TOR1AIP1: variants seen among roughly 807,000 people sequenced by gnomAD.
The protein encoded by TOR1AIP1 is torsin 1A interacting protein 1.
Under a neutral mutation model 63.3 loss-of-function variants are expected in TOR1AIP1, and 54 were observed. The ratio of observed to expected loss-of-function variants is 0.85; its 90% CI spans 0.69 to 1.07. TOR1AIP1 has a LOEUF of 1.07. Among genes scored for constraint, TOR1AIP1 ranks in the 50% least tolerant of loss-of-function variants. TOR1AIP1 has a pLI of 0.00. For missense variants in TOR1AIP1, 736 were observed against 715.0 expected (o/e 1.03, Z -0.33); for synonymous variants, 294 against 273.5 (o/e 1.07, Z -0.74).
Position 179,904,174 on chromosome 1 carries a change from T to C in TOR1AIP1, c.796+152T>C, listed in dbSNP as rs527821189. The C allele has an allele frequency of 6.6e-5, 38 of 579,036 alleles. No individual in the cohort carries two copies. The South Asian group carries it at 1.0e-3, about 15-fold the overall frequency. 35.9% of individuals were successfully genotyped at this position (579,036 alleles called of 1,614,324 possible). Reference sequence around the variant, plus strand: ...ACTTATCCGATATCTCTCTACCACTTGACCTTGCTTATTGAGTTATTATTC... The same window carrying C: ...ACTTATCCGATATCTCTCTACCACTCGACCTTGCTTATTGAGTTATTATTC... On this transcript the variant is annotated intron_variant, in intron 6 of 9. Transcript: ENST00000606911.
chr1:179,903,534 G>A (rs1648529424), intron 5 of TOR1AIP1, among the ~76,000 whole-genome samples: 1 of 149,990 alleles, frequency 6.7e-6, no homozygotes, highest in Non-Finnish European at 1.5e-5. Context: ...TTGAGACAGA[G>A]TCTCACTCTC....
At chr1:179,904,578 A>G (rs1648570556) in intron 6 of TOR1AIP1, 2 of 152,224 alleles carry the variant, frequency 1.3e-5, no homozygotes, top group Non-Finnish European at 2.9e-5. Context: ...CAAAATGCTA[A>G]TAATGATTTG....
Position 179,882,768 on chromosome 1 carries a change from A to C in TOR1AIP1, c.266A>C (p.Glu89Ala), listed in dbSNP as rs369572685. The C allele has an allele frequency of 4.3e-6, 7 of 1,614,178 alleles. No homozygotes were observed. Among genetic ancestry groups the C allele is most frequent in the South Asian group, 1.1e-5 (1 of 91,088 alleles). ...GTGGGAAAACGAACCCGGCTAGAAG[A>C]GTTCCGGTCCGATTCTGCGAAAGAG... Reference protein sequence around the residue: ...SPVGKRTRLEEFRSDSAKEEV... With the variant: ...SPVGKRTRLEAFRSDSAKEEV... The change falls in exon 1 of 10, where the codon GAG (glutamate) becomes GCG (alanine). Residue 89 changes from glutamate (E) to alanine (A), a missense_variant. Physicochemically the swap from Glu to Ala is moderately radical, Grantham distance 107. Coordinates refer to ENST00000606911, the MANE Select transcript of TOR1AIP1 (RefSeq NM_015602.4).
Position 179,918,152 on chromosome 1 carries a change from C to T in TOR1AIP1, c.1665C>T (p.Asp555=). The change falls in exon 10 of 10, where the codon GAC becomes GAT. Residue 555 remains aspartate (D), a synonymous_variant. Transcript: ENST00000606911. ...ACTCCTACAATCATATGGACCCAGACAAACTGAATGGCCTCTGGAGCCGTA... is the reference window on the plus strand; with the variant it reads ...ACTCCTACAATCATATGGACCCAGATAAACTGAATGGCCTCTGGAGCCGTA... ...TPNSYNHMDP[D]KLNGLWSRIS... The T allele has an allele frequency of 6.2e-7, 1 of 1,613,554 alleles. No individual in the cohort carries two copies. Among genetic ancestry groups the T allele is most frequent in the Non-Finnish European group, 8.5e-7 (1 of 1,180,030 alleles).
chr1:179,893,266 A>C (rs1311640342), intron 3 of TOR1AIP1, among the ~76,000 whole-genome samples: 1 of 122,092 alleles, frequency 8.2e-6, no homozygotes, highest in Non-Finnish European at 1.7e-5. Flanking sequence ...ACAAACAAAC[A>C]AAAAAAAAAA....
intron 3 of TOR1AIP1, among the ~76,000 whole-genome samples, chr1:179,890,721 C>G (rs1453643377): frequency 6.6e-6 from 1 of 152,114 alleles, no homozygotes; most frequent in Non-Finnish European, 1.5e-5. Context: ...GGAGGCTCAA[C>G]TGAGCCTCCT....
chr1:179,902,553 T>G (rs1288333161), intron 5 of TOR1AIP1, among the ~76,000 whole-genome samples: 1 of 152,110 alleles, frequency 6.6e-6, no homozygotes, highest in African/African-American at 2.4e-5. Context: ...GTGCCTGGCA[T>G]TATACGCTGG....
In TOR1AIP1 at chr1:179,882,343, A is replaced by AGCAGCGACGACGCAGGCGGCGGCC; in HGVS notation, c.-159_-136dup. 3 of 657,560 alleles carry AGCAGCGACGACGCAGGCGGCGGCC rather than the reference A, an allele frequency of 4.6e-6. No homozygotes were observed. The highest frequency in any genetic ancestry group is 1.9e-5 in the African/African-American group (1 of 53,370). 40.7% of individuals were successfully genotyped at this position (657,560 alleles called of 1,614,324 possible). ...GGGCCCAGAGGCAGGTTTGCTACAC[A>AGCAGCGACGACGCAGGCGGCGGCC]GCAGCGACGACGCAGGCGGCGGCCC... On this transcript the variant is annotated 5_prime_UTR_variant, in exon 1 of 10. Transcript: ENST00000606911.
intron 2 of TOR1AIP1, among the ~76,000 whole-genome samples, chr1:179,888,661 C>A (rs1386025069): frequency 1.3e-5 from 2 of 152,012 alleles, no homozygotes; most frequent in Non-Finnish European, 2.9e-5. Flanking sequence ...ATAATAGAAT[C>A]CAAATTTTGA....
intron 6 of TOR1AIP1, among the ~76,000 whole-genome samples, chr1:179,905,503 G>A (rs1302901454): frequency 6.6e-6 from 1 of 152,116 alleles, no homozygotes; most frequent in Admixed American, 6.5e-5. Context: ...ACTATAAAAT[G>A]AGACATAAAA....
rs1037578502 is a variant in TOR1AIP1, at chr1:179,919,559, T to C, written c.*1320T>C. On this transcript the variant is annotated 3_prime_UTR_variant, in exon 10 of 10. Transcript: ENST00000606911. Reference sequence around the variant, plus strand: ...TGTGAAATGTATTTCTTTACTACTATAGTAGTTTAGTTATAACTTTGCATC... The same window carrying C: ...TGTGAAATGTATTTCTTTACTACTACAGTAGTTTAGTTATAACTTTGCATC... 3.9e-5 allele frequency: 6 copies of C among 152,262 alleles called. No individual in the cohort carries two copies. Among genetic ancestry groups the C allele is most frequent in the African/African-American group, 1.4e-4 (6 of 41,468 alleles). The allele number at this position is 152,262 out of a possible 1,614,324, so 9.4% of individuals were successfully genotyped here. A position where few individuals can be genotyped will look rare whatever the true frequency, so the allele number is the denominator to read the frequency against.
At chr1:179,889,467 G>A (rs1320594012) in intron 3 of TOR1AIP1, 98 bp downstream of exon 3, 14 of 1,045,018 alleles carry the variant, frequency 1.3e-5, no homozygotes, top group Non-Finnish European at 1.8e-5. Flanking sequence ...GAACTTAAAA[G>A]TTACTGTAAA....
At chr1:179,890,811 G>C (rs145682584) in intron 3 of TOR1AIP1, among the ~76,000 whole-genome samples, 1 of 152,032 alleles carries the variant, frequency 6.6e-6, no homozygotes, top group Non-Finnish European at 1.5e-5. Flanking sequence ...ATAGAGATGG[G>C]GTTTCACCAT....
At chr1:179,903,696 A>G (rs1648535633) in intron 5 of TOR1AIP1, among the ~76,000 whole-genome samples, 1 of 152,070 alleles carries the variant, frequency 6.6e-6, no homozygotes, top group Admixed American at 6.6e-5. Context: ...TTTAGTGGAG[A>G]CGGGGTTTCA....
chr1:179,900,063 A>T, intron 3 of TOR1AIP1, 63 bp from the exon 4 acceptor site: 1 of 1,294,880 alleles, frequency 7.7e-7, no homozygotes, highest in Non-Finnish European at 1.1e-6. Context: ...GCTTTTGTTT[A>T]TTCCTAAGCT....
chr1:179,907,915 T>TC, intron 7 of TOR1AIP1, 51 bp downstream of exon 7: 2 of 897,238 alleles, frequency 2.2e-6, no homozygotes, highest in Non-Finnish European at 1.5e-6. Context: ...TCTTTTCTCT[T>TC]TTTTTTTTTT....
chr1:179,901,358 G>A lies in TOR1AIP1; in HGVS notation c.709G>A (p.Ala237Thr). ...SSHSSVTTVK[A>T]RSRDSDESGD... ...TCACAGCAGTGTCACTACTGTTAAGGCCAGATCCAGGGATTCTGATGAATC... is the reference window on the plus strand; with the variant it reads ...TCACAGCAGTGTCACTACTGTTAAGACCAGATCCAGGGATTCTGATGAATC... The change falls in exon 5 of 10, where the codon GCC becomes ACC. Residue 237 changes from alanine to threonine, a missense_variant. Ala to Thr is a moderately conservative substitution (Grantham distance 58). This residue lies in a region of TOR1AIP1 where 464 missense variants were observed against 371.0 expected (regional missense o/e 1.25). Transcript: ENST00000606911. 1 of 1,608,464 alleles carries A rather than the reference G, an allele frequency of 6.2e-7. No individual in the cohort carries two copies. Among genetic ancestry groups the A allele is most frequent in the Non-Finnish European group, 8.5e-7 (1 of 1,176,818 alleles).
chr1:179,916,533 A>G (rs1021646229), intron 9 of TOR1AIP1, among the ~76,000 whole-genome samples: 2 of 152,166 alleles, frequency 1.3e-5, no homozygotes, highest in Non-Finnish European at 2.9e-5. Flanking sequence ...CACTAGATAA[A>G]TATAAATTAA....
chr1:179,890,980 T>C (rs1045412125), intron 3 of TOR1AIP1, among the ~76,000 whole-genome samples: 15 of 152,198 alleles, frequency 9.9e-5, no homozygotes, highest in African/African-American at 3.6e-4. Context: ...CAAGAGTATA[T>C]ATATCTAGTC....
Sources: gnomAD v4.1 joint callset for allele counts (sites outside exome capture counted in the v4.1 genomes callset) on GRCh38, gnomAD v4.1.1 for gene constraint, gnomAD v4.1.1 regional missense constraint, MANE v1.5 for transcripts, NCBI Gene and HGNC (gene_info 2026-07-23, HGNC 2026-07-21) for gene names.